SLC39A12: variants seen among roughly 807,000 people sequenced by gnomAD.
SLC39A12 encodes the protein zinc transporter ZIP12.
Under a neutral mutation model 71.1 loss-of-function variants are expected in SLC39A12, and 63 were observed. That is an observed-to-expected ratio of 0.89 (90% CI 0.72 to 1.09). SLC39A12 has a LOEUF of 1.09. Ranked by LOEUF, SLC39A12 falls within the 50% of genes least tolerant of loss-of-function variation. The pLI is 0.00. For synonymous variants in SLC39A12, 351 were observed against 301.3 expected, an observed-to-expected ratio of 1.16 and a Z score of -1.71; for missense variants, 892 against 812.6, an observed-to-expected ratio of 1.10 and a Z score of -1.19.
rs550716399 is a variant in SLC39A12, at chr10:17,973,762, A to G, written c.752-4140A>G. On this transcript the variant is annotated intron_variant, in intron 4 of 12. Coordinates refer to ENST00000377369, the MANE Select transcript of SLC39A12 (RefSeq NM_001145195.2). ...TGTTCTATAACCTTCTTGTACTTGG[A>G]TATTGATGGCTTTCTTTAGGGTTGG... is the stretch of plus-strand genomic sequence containing the variant. Among the ~76,000 whole-genome samples, 4 of 152,088 alleles carry G rather than the reference A, an allele frequency of 2.6e-5. No individual in the cohort carries two copies. The East Asian group carries it at 7.7e-4, about 29-fold the overall frequency.
chr10:17,965,173 C>T (rs765335641), intron 3 of SLC39A12, among the ~76,000 whole-genome samples: 1 of 151,702 alleles, frequency 6.6e-6, no homozygotes, highest in Non-Finnish European at 1.5e-5. Flanking sequence ...TGCCACTTTA[C>T]TCCAGCCTGG....
At chr10:18,007,452 A>T (rs1220236675) in intron 12 of SLC39A12, among the ~76,000 whole-genome samples, 1 of 152,162 alleles carries the variant, frequency 6.6e-6, no homozygotes, top group Non-Finnish European at 1.5e-5. Flanking sequence ...CTGTTATAGG[A>T]AAGGAGTCCT....
intron 12 of SLC39A12, among the ~76,000 whole-genome samples, chr10:18,005,178 G>A (rs367819344): frequency 6.6e-6 from 1 of 151,926 alleles, no homozygotes; most frequent in Admixed American, 6.5e-5. Flanking sequence ...TGTGACACAC[G>A]TTTACCTATT....
At chr10:18,042,200 G>A (rs186852076) in intron 12 of SLC39A12, among the ~76,000 whole-genome samples, 2 of 152,246 alleles carry the variant, frequency 1.3e-5, no homozygotes, top group East Asian at 3.9e-4. Context: ...CCAAAGGCCA[G>A]GTGCAGTGGC....
rs183835847 is a variant in SLC39A12, at chr10:17,968,726, A to T, written c.751+3036A>T. Reference sequence around the variant, plus strand: ...TAAAATGTTTTGCTACAGGCATGCAATGTGTAATAATGACATCATAGAGAA... The same window carrying T: ...TAAAATGTTTTGCTACAGGCATGCATTGTGTAATAATGACATCATAGAGAA... On this transcript the variant is annotated intron_variant, in intron 4 of 12. Coordinates refer to ENST00000377369, the MANE Select transcript of SLC39A12 (RefSeq NM_001145195.2). Among the ~76,000 whole-genome samples, 192 of 152,206 alleles carry T rather than the reference A, an allele frequency of 1.3e-3. 3 individuals are homozygous for T. Among genetic ancestry groups the T allele is most frequent in the Non-Finnish European group, 3.1e-4 (21 of 68,014 alleles).
At chr10:17,985,195 T>G (rs1165425526) in intron 6 of SLC39A12, among the ~76,000 whole-genome samples, 2 of 151,970 alleles carry the variant, frequency 1.3e-5, no homozygotes, top group Non-Finnish European at 2.9e-5. Flanking sequence ...ATACAAAAAT[T>G]AGCCAGACAT....
intron 6 of SLC39A12, among the ~76,000 whole-genome samples, chr10:17,985,690 C>G (rs1353516582): frequency 6.6e-6 from 1 of 152,008 alleles, no homozygotes; most frequent in African/African-American, 2.4e-5. Context: ...TAGATAACTC[C>G]TTATCTCTAT....
intron 12 of SLC39A12, among the ~76,000 whole-genome samples, chr10:18,006,750 C>T (rs931859756): frequency 2.0e-5 from 3 of 152,328 alleles, no homozygotes; most frequent in African/African-American, 7.2e-5. Flanking sequence ...GCCCTGCCAG[C>T]ATTATCTCCC....
intron 4 of SLC39A12, among the ~76,000 whole-genome samples, chr10:17,966,057 G>T (rs1397530417): frequency 1.3e-5 from 2 of 152,196 alleles, no homozygotes; most frequent in Non-Finnish European, 2.9e-5. Flanking sequence ...ATTCTAAATT[G>T]TGCAAGACAT....
chr10:18,001,467 C>G (rs1403704572), intron 11 of SLC39A12, among the ~76,000 whole-genome samples: 1 of 152,108 alleles, frequency 6.6e-6, no homozygotes, highest in Non-Finnish European at 1.5e-5. Context: ...TGAGCTGAGA[C>G]TGAGCCATTG....
intron 6 of SLC39A12, among the ~76,000 whole-genome samples, 155 bp from the exon 7 acceptor site, chr10:17,987,324 G>T (rs1274387768): frequency 1.3e-5 from 2 of 152,164 alleles, no homozygotes; most frequent in Non-Finnish European, 2.9e-5. Context: ...GACAGACAGA[G>T]AGCCTGTCTC....
intron 12 of SLC39A12, among the ~76,000 whole-genome samples, chr10:18,022,533 A>C (rs1034148922): frequency 6.6e-6 from 1 of 151,954 alleles, no homozygotes; most frequent in Non-Finnish European, 1.5e-5. Flanking sequence ...CTCTTGAATC[A>C]TTTTACTGGA....
chr10:17,972,863 C>T (rs114125001), intron 4 of SLC39A12, among the ~76,000 whole-genome samples: 2,058 of 151,748 alleles, frequency 0.014, 41 homozygotes, highest in African/African-American at 0.043. Context: ...AGTGAGGACT[C>T]GCTCCTGCCA....
At chr10:17,973,046 T>C (rs1255612091) in intron 4 of SLC39A12, among the ~76,000 whole-genome samples, 1 of 152,138 alleles carries the variant, frequency 6.6e-6, no homozygotes, top group Non-Finnish European at 1.5e-5. Flanking sequence ...TACTATCTTA[T>C]AATCCATTAT....
chr10:17,967,238 A>AG (rs924655255), intron 4 of SLC39A12, among the ~76,000 whole-genome samples: 4 of 152,116 alleles, frequency 2.6e-5, no homozygotes, highest in Non-Finnish European at 5.9e-5. Flanking sequence ...TTTCTTGTGT[A>AG]GGGGCTGTTA....
At chr10:17,993,653 A>T (rs1286262638) in intron 9 of SLC39A12, among the ~76,000 whole-genome samples, 2 of 152,232 alleles carry the variant, frequency 1.3e-5, no homozygotes, top group African/African-American at 4.8e-5. Flanking sequence ...ATGAAAACAG[A>T]TGTGGAGCAA....
intron 11 of SLC39A12, among the ~76,000 whole-genome samples, chr10:18,001,121 A>G (rs1482941340): frequency 6.6e-6 from 1 of 152,172 alleles, no homozygotes; most frequent in African/African-American, 2.4e-5. Flanking sequence ...AAGAATTTTG[A>G]TGGGGACTTT....
chr10:18,028,515 G>A (rs1313003120), intron 12 of SLC39A12, among the ~76,000 whole-genome samples: 1 of 151,990 alleles, frequency 6.6e-6, no homozygotes, highest in Non-Finnish European at 1.5e-5. Flanking sequence ...GACAAAATAC[G>A]AGTTCCAGAG....
intron 1 of SLC39A12, among the ~76,000 whole-genome samples, chr10:17,952,857 G>T (rs1228288943): frequency 6.6e-6 from 1 of 152,200 alleles, no homozygotes; most frequent in Non-Finnish European, 1.5e-5. Flanking sequence ...TGAGGACCAT[G>T]AATCACTTGG....
Sources: gnomAD v4.1 joint callset for allele counts (sites outside exome capture counted in the v4.1 genomes callset) on GRCh38, gnomAD v4.1.1 for gene constraint, MANE v1.5 for transcripts, NCBI Gene and HGNC (gene_info 2026-07-23, HGNC 2026-07-21) for gene names.